ADAMTS19: variants seen among roughly 807,000 people sequenced by gnomAD.
ADAMTS19 encodes the protein A disintegrin and metalloproteinase with thrombospondin motifs 19.
Under a neutral mutation model 153.3 loss-of-function variants are expected in ADAMTS19, and 93 were observed. That is an observed-to-expected ratio of 0.61 (90% CI 0.51 to 0.72). The LOEUF (loss-of-function observed/expected upper bound fraction) is 0.72, where lower values mean the gene tolerates loss of function less well. ADAMTS19 is among the 30% of genes least tolerant of loss of function. The pLI is 0.00. For synonymous variants in ADAMTS19, 600 were observed against 556.6 expected, an observed-to-expected ratio of 1.08 and a Z score of -1.10; for missense variants, 1,482 against 1,552.1, an observed-to-expected ratio of 0.95 and a Z score of 0.76.
At chr5:129,691,688 A>T in intron 18 of ADAMTS19, among the ~76,000 whole-genome samples, 1 of 152,126 alleles carries the variant, frequency 6.6e-6, no homozygotes, top group East Asian at 1.9e-4. Context: ...CAAACCTTAC[A>T]ATATAGGAGT....
At chr5:129,644,915 A>G (rs961460717) in intron 11 of ADAMTS19, among the ~76,000 whole-genome samples, 2 of 152,196 alleles carry the variant, frequency 1.3e-5, no homozygotes, top group African/African-American at 4.8e-5. Flanking sequence ...TGAAGACTGT[A>G]ATATCCTAAC....
chr5:129,711,667 CT>C (rs1327848126), intron 21 of ADAMTS19, among the ~76,000 whole-genome samples: 1 of 151,416 alleles, frequency 6.6e-6, no homozygotes, highest in East Asian at 1.9e-4. Flanking sequence ...CAGAGTGAGA[CT>C]CTGTCTCAAA....
chr5:129,633,305 G>C (rs30697), intron 10 of ADAMTS19, among the ~76,000 whole-genome samples: 1 of 151,822 alleles, frequency 6.6e-6, no homozygotes, highest in Non-Finnish European at 1.5e-5. Context: ...TATATTCATA[G>C]AGTCAGTTTC....
intron 2 of ADAMTS19, among the ~76,000 whole-genome samples, chr5:129,497,310 C>T (rs2126702790): frequency 6.6e-6 from 1 of 152,086 alleles, no homozygotes; most frequent in Middle Eastern, 3.4e-3. Context: ...CTCTTCTTCC[C>T]AGTGTTAGGG....
At chr5:129,677,947 G>A (rs1363267814) in intron 16 of ADAMTS19, among the ~76,000 whole-genome samples, 3 of 151,968 alleles carry the variant, frequency 2.0e-5, no homozygotes, top group East Asian at 1.9e-4. Flanking sequence ...CGAGTCACTG[G>A]GACTGCAGGC....
intron 7 of ADAMTS19, among the ~76,000 whole-genome samples, chr5:129,592,335 T>C (rs555209115): frequency 5.1e-5 from 7 of 138,488 alleles, no homozygotes; most frequent in Admixed American, 4.0e-4. Context: ...GCCGAGATCA[T>C]GCCACTGCAC....
At chr5:129,516,608 T>C (rs1751620117) in intron 3 of ADAMTS19, among the ~76,000 whole-genome samples, 2 of 152,056 alleles carry the variant, frequency 1.3e-5, no homozygotes, top group Admixed American at 1.3e-4. Context: ...TGGCTACTAA[T>C]GATCCTTTGA....
chr5:129,623,082 T>C (rs905689546), intron 10 of ADAMTS19, among the ~76,000 whole-genome samples: 1 of 152,158 alleles, frequency 6.6e-6, no homozygotes, highest in Non-Finnish European at 1.5e-5. Flanking sequence ...TACATTTTAA[T>C]CCTGAAAATA....
Position 129,661,394 on chromosome 5 carries a change from C to T in ADAMTS19, c.2425+2657C>T, listed in dbSNP as rs568488243. ...TGAGTTATTAATTCTATCACAGGCA[C>T]CATCTACTTTTGACTTCAGGAATAT... On this transcript the variant is annotated intron_variant, in intron 15 of 22. Transcript: ENST00000274487. Among the ~76,000 whole-genome samples, 196 of 152,288 alleles carry T rather than the reference C, an allele frequency of 1.3e-3. 3 individuals are homozygous for T. The highest frequency in any genetic ancestry group is 5.4e-3 in the South Asian group (26 of 4,824).
intron 6 of ADAMTS19, among the ~76,000 whole-genome samples, chr5:129,545,646 C>T (rs1194904841): frequency 6.6e-6 from 1 of 151,792 alleles, no homozygotes; most frequent in East Asian, 1.9e-4. Context: ...TGCTCATCAT[C>T]ACTGGCCATC....
At chr5:129,592,377 CA>C (rs1169388973) in intron 7 of ADAMTS19, among the ~76,000 whole-genome samples, 7,550 of 79,542 alleles carry the variant, frequency 0.095, 232 homozygotes, top group African/African-American at 0.2. Flanking sequence ...GTCTCCGTTT[CA>C]AAAAAAAAAA....
chr5:129,506,991 G>A (rs566497082), intron 2 of ADAMTS19, among the ~76,000 whole-genome samples: 2 of 152,088 alleles, frequency 1.3e-5, no homozygotes, highest in African/African-American at 4.8e-5. Flanking sequence ...TACACAGCTA[G>A]CAGTAAGTTA....
At chr5:129,652,418 A>T (rs1049924327) in intron 13 of ADAMTS19, among the ~76,000 whole-genome samples, 3 of 152,232 alleles carry the variant, frequency 2.0e-5, no homozygotes, top group African/African-American at 7.2e-5. Context: ...ATTTTTAGAG[A>T]AAAGACATGC....
At chr5:129,597,906 AAAAAAAAG>A (rs1236011321) in intron 8 of ADAMTS19, among the ~76,000 whole-genome samples, 4 of 151,526 alleles carry the variant, frequency 2.6e-5, no homozygotes, top group Non-Finnish European at 5.9e-5. Flanking sequence ...ATCTCAAAAA[AAAAAAAAG>A]AAAAAAAGAA....
chr5:129,704,068 G>C (rs1016531679), intron 20 of ADAMTS19, among the ~76,000 whole-genome samples, 171 bp from the exon 21 acceptor site: 4 of 152,162 alleles, frequency 2.6e-5, no homozygotes, highest in African/African-American at 4.8e-5. Context: ...TCTGGCATCA[G>C]ATACTGGTGC....
At chr5:129,586,545 GA>G (rs1749809565) in intron 7 of ADAMTS19, among the ~76,000 whole-genome samples, 1 of 152,168 alleles carries the variant, frequency 6.6e-6, no homozygotes. Context: ...GTTGGATAGA[GA>G]TACCAGTTTA....
chr5:129,637,854 C>T (rs1752603144), intron 10 of ADAMTS19, among the ~76,000 whole-genome samples: 1 of 151,922 alleles, frequency 6.6e-6, no homozygotes, highest in Non-Finnish European at 1.5e-5. Context: ...GTCTCCAAAA[C>T]AACAAGAACA....
chr5:129,543,150 A>G (rs979794876), intron 6 of ADAMTS19, among the ~76,000 whole-genome samples: 2 of 151,782 alleles, frequency 1.3e-5, no homozygotes, highest in Non-Finnish European at 2.9e-5. Flanking sequence ...CCCAGGTTCA[A>G]GTGATTCTCC....
intron 2 of ADAMTS19, among the ~76,000 whole-genome samples, chr5:129,506,628 C>A (rs1423600768): frequency 1.3e-5 from 2 of 151,814 alleles, no homozygotes; most frequent in African/African-American, 4.8e-5. Flanking sequence ...CCTAACAAAA[C>A]AACAATATAA....
Sources: allele counts gnomAD v4.1 joint callset (sites outside exome capture counted in the v4.1 genomes callset), GRCh38; gene constraint gnomAD v4.1.1; transcripts MANE v1.5; gene names NCBI Gene and HGNC (gene_info 2026-07-23, HGNC 2026-07-21).